RUVBL1: variants seen among roughly 807,000 people sequenced by gnomAD.
The protein encoded by RUVBL1 is ruvB-like 1.
Under a neutral mutation model 52.4 loss-of-function variants are expected in RUVBL1, and 4 were observed. The observed-to-expected ratio is 0.08, with a 90% CI of 0.04 to 0.17. RUVBL1 has a LOEUF of 0.17. Ranked by LOEUF, RUVBL1 falls within the 10% of genes least tolerant of loss-of-function variation. RUVBL1 has a pLI of 1.00. For synonymous variants in RUVBL1, 217 were observed against 214.4 expected (o/e 1.01, Z -0.10); for missense variants, 298 against 572.8 (o/e 0.52, Z 4.90).
chr3:128,105,049 T>G (rs1943191729), intron 3 of RUVBL1, 125 bp from the exon 4 acceptor site: 1 of 1,000,200 alleles, frequency 1.0e-6, no homozygotes, highest in Admixed American at 2.7e-5. Flanking sequence ...CAGGGTGTCA[T>G]GATGGGTAAA....
At chr3:128,115,263 AT>A (rs141495938) in intron 2 of RUVBL1, among the ~76,000 whole-genome samples, 3 of 151,394 alleles carry the variant, frequency 2.0e-5, no homozygotes, top group East Asian at 1.9e-4. Context: ...CTCCAAAGCC[AT>A]TTTTTTTTGT....
At chr3:128,064,864 C>T in exon 10 of RUVBL1, 2 of 1,584,292 alleles carry the variant, frequency 1.3e-6, no homozygotes, top group Non-Finnish European at 1.7e-6. Context: ...TATGTCTCCT[C>T]CTCTGCCAAC....
At position 128,067,840 on chromosome 3, in the gene RUVBL1, A is replaced by T; in HGVS notation, c.940-2620T>A. ...CTGTAAAGTTAGACTTTTTCATATG[A>T]CTTCCTTGCGGCAGTTTTAAAGTTC... On this transcript the variant is annotated intron_variant, in intron 9 of 9. Transcript: ENST00000464873. This position sits in a 1 kb window ranked among gnomAD's most constrained non-coding sequence, Gnocchi z 4.1. 1.3e-6 allele frequency: 1 copy of T among 746,564 alleles called. No homozygotes were observed. Among genetic ancestry groups the T allele is most frequent in the Admixed American group, 2.2e-5 (1 of 45,358 alleles). 46.2% of individuals were successfully genotyped at this position (746,564 alleles called of 1,614,324 possible). A position where few individuals can be genotyped will look rare whatever the true frequency, so the allele number is the denominator to read the frequency against.
In RUVBL1 at chr3:128,100,575, C is replaced by T; in HGVS notation, c.753+20G>A. On this transcript the variant is annotated intron_variant, in intron 6 of 10. Transcript: ENST00000322623. ...ACAAAAGGGCTAATGTGCCAGATCA[C>T]CCAGGCATCGAGGCAGTACCTGGGG... is the stretch of plus-strand genomic sequence containing the variant. 6.3e-7 allele frequency: 1 copy of T among 1,577,134 alleles called. No homozygotes were observed. The highest frequency in any genetic ancestry group is 8.6e-7 in the Non-Finnish European group (1 of 1,164,098).
intron 1 of RUVBL1, among the ~76,000 whole-genome samples, chr3:128,139,496 G>T (rs567708495): frequency 6.6e-6 from 1 of 152,100 alleles, no homozygotes; most frequent in Non-Finnish European, 1.5e-5. Context: ...AGTACAATGG[G>T]TATCATCTCA....
chr3:128,152,942 C>CTT (rs1944261720), intron 1 of RUVBL1, among the ~76,000 whole-genome samples: 1 of 45,482 alleles, frequency 2.2e-5, no homozygotes, highest in Non-Finnish European at 4.3e-5. Context: ...GCCCTCCCCC[C>CTT]CGCCCCCGTC....
chr3:128,072,281 G>A (rs755664462), intron 9 of RUVBL1, among the ~76,000 whole-genome samples: 30 of 152,152 alleles, frequency 2.0e-4, no homozygotes, highest in African/African-American at 4.8e-4. Context: ...ACCTGCCGCC[G>A]TCCCCACCAC....
At chr3:128,068,995 T>C (rs1360905672) in intron 9 of RUVBL1, 1 of 152,504 alleles carries the variant, frequency 6.6e-6, no homozygotes, top group East Asian at 1.9e-4. Flanking sequence ...GTAGGCAATT[T>C]AGTTCATTCT....
intron 9 of RUVBL1, chr3:128,069,491 C>A: frequency 6.2e-7 from 1 of 1,612,088 alleles, no homozygotes; most frequent in Non-Finnish European, 8.5e-7. Context: ...TCCCCACAGC[C>A]GCGGCCTTTG....
At chr3:128,126,964 A>G (rs528292298), upstream of RUVBL1, among the ~76,000 whole-genome samples, 40 of 152,220 alleles carry the variant, frequency 2.6e-4, no homozygotes, top group Admixed American at 5.2e-4. Context: ...GGCCTGACCT[A>G]TCAGTATCCC....
At chr3:128,153,525 G>A in exon 1 of RUVBL1, 1 of 1,514,864 alleles carries the variant, frequency 6.6e-7, no homozygotes, top group Non-Finnish European at 8.8e-7. Context: ...GGCGGCGGGT[G>A]AACGTGAACG....
At chr3:128,152,944 GCCCCCGTCT>G (rs1944262221) in intron 1 of RUVBL1, among the ~76,000 whole-genome samples, 2 of 6,470 alleles carry the variant, frequency 3.1e-4, no homozygotes, top group Non-Finnish European at 5.2e-4. Context: ...CCTCCCCCCC[GCCCCCGTCT>G]TCCCGCCCCC....
chr3:128,107,376 AT>A (rs1370626539), intron 3 of RUVBL1, among the ~76,000 whole-genome samples: 43 of 152,402 alleles, frequency 2.8e-4, no homozygotes, highest in Non-Finnish European at 4.4e-4. Context: ...ATGTGGAGAC[AT>A]AAACTAGTTC....
chr3:128,138,850 A>C (rs1943981554), intron 1 of RUVBL1, among the ~76,000 whole-genome samples: 1 of 152,152 alleles, frequency 6.6e-6, no homozygotes, highest in South Asian at 2.1e-4. Flanking sequence ...CATTAAAAAC[A>C]AAAACAAAAA....
chr3:128,087,377 T>G (rs1306968243), intron 9 of RUVBL1, among the ~76,000 whole-genome samples: 1 of 152,240 alleles, frequency 6.6e-6, no homozygotes, highest in Non-Finnish European at 1.5e-5. Flanking sequence ...TTTATAGAGC[T>G]GGTAGCCTCC....
exon 10 of RUVBL1, chr3:128,065,157 A>G (rs1359765819): frequency 8.7e-7 from 1 of 1,150,260 alleles, no homozygotes; most frequent in Non-Finnish European, 1.3e-6. Context: ...AAACGATGAG[A>G]TGGTATTTGA....
At chr3:128,079,445 C>G (rs1942413155), downstream of RUVBL1, among the ~76,000 whole-genome samples, 1 of 152,236 alleles carries the variant, frequency 6.6e-6, no homozygotes, top group Non-Finnish European at 1.5e-5. Flanking sequence ...CACACCTATC[C>G]CAGTCTCACA....
intron 1 of RUVBL1, among the ~76,000 whole-genome samples, chr3:128,147,498 G>C (rs1165607995): frequency 6.6e-5 from 10 of 152,194 alleles, no homozygotes; most frequent in African/African-American, 2.4e-4. Context: ...TTGAGCCCAG[G>C]AGTTTGAAAC....
chr3:128,119,449 T>C, intron 1 of RUVBL1, 35 bp from the exon 2 acceptor site: 2 of 1,553,404 alleles, frequency 1.3e-6, no homozygotes, highest in African/African-American at 1.4e-5. Context: ...AATAAATCAA[T>C]ATTAAAATGT....
Sources: allele counts gnomAD v4.1 joint callset (sites outside exome capture counted in the v4.1 genomes callset), GRCh38; gene constraint gnomAD v4.1.1; non-coding constraint Gnocchi (gnomAD v3.1); transcripts MANE v1.5; gene names NCBI Gene and HGNC (gene_info 2026-07-23, HGNC 2026-07-21).